The following ZBTB10 variants were observed in gnomAD, a reference collection of about 807,000 sequenced individuals.
ZBTB10 encodes the protein zinc finger and BTB domain containing 10, also known as zinc finger and BTB domain-containing protein 10.
ZBTB10 carries 32 observed loss-of-function variants against 76.4 expected under a neutral mutation model. The observed-to-expected ratio is 0.42, with a 90% CI of 0.32 to 0.56. ZBTB10 has a LOEUF of 0.56. Ranked by LOEUF, ZBTB10 falls within the 20% of genes least tolerant of loss-of-function variation. The pLI, the probability that ZBTB10 is intolerant of heterozygous loss-of-function variation, is 0.14. For synonymous variants in ZBTB10, 523 were observed against 432.9 expected (o/e 1.21, Z -2.58); for missense variants, 1,057 against 1,098.5 (o/e 0.96, Z 0.53).
At position 80,522,782 on chromosome 8, in the gene ZBTB10, G is replaced by A. The variant is rs573438056; in HGVS notation, c.*3254G>A. ...CCAAGAGGAAAAAGAAATAAGAAAA[G>A]ATGGGGGAAAGGAAGGAGAAAATAG... On this transcript the variant is annotated 3_prime_UTR_variant, in exon 6 of 6. Coordinates refer to ENST00000455036, the MANE Select transcript of ZBTB10 (RefSeq NM_001105539.3). 3.3e-5 allele frequency: 5 copies of A among 151,900 alleles called. No homozygotes were observed. The highest frequency in any genetic ancestry group is 1.2e-4 in the African/African-American group (5 of 41,504). The allele number at this position is 151,900 out of a possible 1,614,324, so 9.4% of individuals were successfully genotyped here. A position where few individuals can be genotyped will look rare whatever the true frequency, so the allele number is the denominator to read the frequency against.
intron 2 of ZBTB10, among the ~76,000 whole-genome samples, chr8:80,506,178 A>T (rs1816047373): frequency 6.6e-6 from 1 of 152,148 alleles, no homozygotes; most frequent in Non-Finnish European, 1.5e-5. Flanking sequence ...GAAAGAAGTA[A>T]AATTTCTACC....
intron 2 of ZBTB10, among the ~76,000 whole-genome samples, chr8:80,508,282 T>C (rs1262537154): frequency 6.6e-6 from 1 of 152,244 alleles, no homozygotes; most frequent in African/African-American, 2.4e-5. Context: ...ACTGAATTTT[T>C]GGTTTCTGAT....
At chr8:80,486,194 C>A, upstream of ZBTB10, 1 of 1,132,772 alleles carries the variant, frequency 8.8e-7, no homozygotes, top group Non-Finnish European at 1.1e-6. Flanking sequence ...TACTGCTACC[C>A]CGGTGCATTG....
Position 80,519,558 on chromosome 8 carries a change from C to T in ZBTB10, c.*30C>T. The T allele has an allele frequency of 6.4e-7, 1 of 1,567,254 alleles. No individual in the cohort carries two copies. The highest frequency in any genetic ancestry group is 8.7e-7 in the Non-Finnish European group (1 of 1,153,882). On this transcript the variant is annotated 3_prime_UTR_variant, in exon 6 of 6. Coordinates refer to ENST00000455036, the MANE Select transcript of ZBTB10 (RefSeq NM_001105539.3). ...CCTACTATACTCCTCAAGGATGCTG[C>T]ATTTGGACCTAATATGAATCGACAA... is the stretch of plus-strand genomic sequence containing the variant.
At chr8:80,519,152 A>C in intron 5 of ZBTB10, 71 bp from the exon 6 acceptor site, 1 of 1,487,232 alleles carries the variant, frequency 6.7e-7, no homozygotes, top group Non-Finnish European at 9.0e-7. Context: ...TGTGTGGTTT[A>C]ATTTGAGTGG....
intron 1 of ZBTB10, among the ~76,000 whole-genome samples, chr8:80,498,274 T>C (rs1412025423): frequency 6.6e-6 from 1 of 152,236 alleles, no homozygotes; most frequent in Non-Finnish European, 1.5e-5. Flanking sequence ...GTTTACACTC[T>C]AGTGTTTATT....
chr8:80,516,787 A>C (rs1816335733), intron 3 of ZBTB10, among the ~76,000 whole-genome samples: 1 of 152,216 alleles, frequency 6.6e-6, no homozygotes, highest in Admixed American at 6.5e-5. Context: ...CCAAAAAGGA[A>C]TCTTAAGTTA....
At chr8:80,497,683 CTTTTTTTTTTTTT>C (rs397891910) in intron 1 of ZBTB10, among the ~76,000 whole-genome samples, 1 of 87,632 alleles carries the variant, frequency 1.1e-5, no homozygotes, top group Non-Finnish European at 2.1e-5. Context: ...GTCCTGGAAT[CTTTTTTTTTTTTT>C]TTTTTTTTTT....
At chr8:80,498,383 T>C (rs1268885006) in intron 1 of ZBTB10, among the ~76,000 whole-genome samples, 1 of 152,256 alleles carries the variant, frequency 6.6e-6, no homozygotes, top group Non-Finnish European at 1.5e-5. Flanking sequence ...ACTTAATATT[T>C]TGTGCCAAAG....
chr8:80,507,655 GAT>G (rs1242704928), intron 2 of ZBTB10, among the ~76,000 whole-genome samples: 1 of 152,086 alleles, frequency 6.6e-6, no homozygotes, highest in Non-Finnish European at 1.5e-5. Flanking sequence ...GGAGTGCAGT[GAT>G]CATAGCTCAC....
At chr8:80,505,590 A>C (rs1465149124) in intron 2 of ZBTB10, among the ~76,000 whole-genome samples, 1 of 152,200 alleles carries the variant, frequency 6.6e-6, no homozygotes, top group Non-Finnish European at 1.5e-5. Context: ...GTTTGCGTTA[A>C]TCCTTACAAG....
At position 80,487,285 on chromosome 8, in the gene ZBTB10, G is replaced by C; in HGVS notation, c.475G>C (p.Ala159Pro). Residue 159 changes from alanine to proline, a missense_variant, in exon 1 of 6, where the codon GCG becomes CCG. Coordinates refer to ENST00000455036, the MANE Select transcript of ZBTB10 (RefSeq NM_001105539.3). ...PLRHFNGRGP[A>P]TVDLELDALE... The stretch of plus-strand genomic sequence containing the variant: ...GAGGCATTTCAATGGGCGAGGGCCG[G>C]CGACTGTGGATCTGGAGCTGGACGC... The C allele has an allele frequency of 6.5e-7, 1 of 1,550,050 alleles. No individual in the cohort carries two copies. The highest frequency in any genetic ancestry group is 8.7e-7 in the Non-Finnish European group (1 of 1,147,522).
intron 2 of ZBTB10, among the ~76,000 whole-genome samples, chr8:80,502,873 C>T (rs1815960014): frequency 1.3e-5 from 2 of 152,106 alleles, no homozygotes; most frequent in African/African-American, 4.8e-5. Context: ...CTTGCCAACC[C>T]TTCGTATATA....
Position 80,514,080 on chromosome 8 carries a change from G to A in ZBTB10, c.1960+72G>A, listed in dbSNP as rs574385715. ...TGTTACATCTTACCTGCAGCCTAGT[G>A]TAATTTCTCTTCCATAAGGGGGTTC... On this transcript the variant is annotated intron_variant, in intron 3 of 5. Coordinates refer to ENST00000455036, the MANE Select transcript of ZBTB10 (RefSeq NM_001105539.3). 142 of 1,370,848 alleles carry A rather than the reference G, an allele frequency of 1.0e-4. No homozygotes were observed. The African/African-American group carries it at 1.9e-3, about 18-fold the overall frequency. The allele number at this position is 1,370,848 out of a possible 1,614,324, so 84.9% of individuals were successfully genotyped here.
At chr8:80,516,175 CCT>C (rs1816321817) in intron 3 of ZBTB10, among the ~76,000 whole-genome samples, 1 of 152,200 alleles carries the variant, frequency 6.6e-6, no homozygotes, top group Non-Finnish European at 1.5e-5. Context: ...CCTCCCACAG[CCT>C]CTCAAATTAC....
chr8:80,487,243 A>G lies in ZBTB10; in HGVS notation c.433A>G (p.Thr145Ala), dbSNP rs1815495727. Residue 145 changes from threonine to alanine, a missense_variant, in exon 1 of 6, where the codon ACC becomes GCC. Physicochemically the swap from Thr to Ala is moderately conservative, Grantham distance 58 (BLOSUM62 0). Transcript: ENST00000455036. ...NNGSSRGRPE[T>A]SVWPLRHFNG... ...TGGCAGTAGCCGCGGCCGCCCCGAG[A>G]CCTCGGTGTGGCCCTTGAGGCATTT... 3.2e-6 allele frequency: 5 copies of G among 1,549,090 alleles called. No individual in the cohort carries two copies. The highest frequency in any genetic ancestry group is 4.4e-6 in the Non-Finnish European group (5 of 1,149,164).
intron 2 of ZBTB10, among the ~76,000 whole-genome samples, chr8:80,502,854 C>G (rs149632495): frequency 2.0e-5 from 3 of 152,096 alleles, no homozygotes; most frequent in African/African-American, 4.8e-5. Context: ...TAGGTGTGTT[C>G]CAGTAAAACT....
intron 1 of ZBTB10, among the ~76,000 whole-genome samples, chr8:80,493,680 C>CA (rs1304425800): frequency 2.0e-5 from 3 of 148,332 alleles, no homozygotes; most frequent in Admixed American, 1.3e-4. Flanking sequence ...AAAAAAAAAA[C>CA]CGAGCCGGGC....
chr8:80,497,477 G>T (rs992402845), intron 1 of ZBTB10, among the ~76,000 whole-genome samples: 2 of 151,406 alleles, frequency 1.3e-5, no homozygotes, highest in Admixed American at 6.6e-5. Context: ...TATGGTGGGG[G>T]GGGGCATGGG....
Sources: gnomAD v4.1 joint callset for allele counts (sites outside exome capture counted in the v4.1 genomes callset) on GRCh38, gnomAD v4.1.1 for gene constraint, MANE v1.5 for transcripts, NCBI Gene and HGNC (gene_info 2026-07-23, HGNC 2026-07-21) for gene names.